CNBD1: variants seen among roughly 807,000 people sequenced by gnomAD.
CNBD1 encodes the protein cyclic nucleotide-binding domain-containing protein 1.
CNBD1 carries 71 observed loss-of-function variants against 54.4 expected under a neutral mutation model. That is an observed-to-expected ratio of 1.30 (90% confidence interval 1.08 to 1.59). The LOEUF (loss-of-function observed/expected upper bound fraction) is 1.59. Among genes scored for constraint, CNBD1 ranks in the 40% most tolerant of loss-of-function variants. The pLI is 0.00. For synonymous variants in CNBD1, 182 were observed against 170.7 expected (o/e 1.07, Z -0.51); for missense variants, 659 against 518.0 (o/e 1.27, Z -2.64).
intron 6 of CNBD1, among the ~76,000 whole-genome samples, chr8:87,267,767 T>C (rs1311274587): frequency 6.6e-6 from 1 of 152,146 alleles, no homozygotes; most frequent in African/African-American, 2.4e-5. Flanking sequence ...TTTATCCAGA[T>C]AGTGGGCCCA....
intron 5 of CNBD1, among the ~76,000 whole-genome samples, chr8:87,220,028 G>T (rs185872025): frequency 6.6e-6 from 1 of 151,864 alleles, no homozygotes. Flanking sequence ...TTAAAGTTAA[G>T]CAAAATAACA....
intron 8 of CNBD1, among the ~76,000 whole-genome samples, chr8:87,293,054 A>C (rs914966158): frequency 6.6e-6 from 1 of 152,150 alleles, no homozygotes; most frequent in Non-Finnish European, 1.5e-5. Flanking sequence ...CTAGGAACAA[A>C]GGGCTGCGCA....
intron 8 of CNBD1, among the ~76,000 whole-genome samples, chr8:87,306,826 A>T (rs1809161714): frequency 6.6e-6 from 1 of 152,150 alleles, no homozygotes; most frequent in Admixed American, 6.6e-5. Flanking sequence ...TGCCTGGGTC[A>T]TGGGTGCCCC....
intron 10 of CNBD1, among the ~76,000 whole-genome samples, chr8:87,354,222 G>A (rs1336892891): frequency 2.6e-5 from 4 of 151,958 alleles, no homozygotes; most frequent in African/African-American, 9.7e-5. Flanking sequence ...TAGGATAATG[G>A]TATAGTAATA....
chr8:87,327,100 C>T (rs1156758590), intron 8 of CNBD1, among the ~76,000 whole-genome samples: 2 of 147,294 alleles, frequency 1.4e-5, no homozygotes, highest in African/African-American at 5.0e-5. Context: ...GGGGGTGCCT[C>T]CCAGTTAGGC....
rs551186782 is a variant in CNBD1, at chr8:87,268,142, C to G, written c.772-16536C>G. On this transcript the variant is annotated intron_variant, in intron 6 of 10. Transcript: ENST00000518476. ...CAAGCAGTCCCCAGGGTCTATCAGT[C>G]CCATATTTGTGTCCATGTGTATTCA... Among the ~76,000 whole-genome samples the G allele has an allele frequency of 1.8e-4, 27 of 152,108 alleles. No individual in the cohort carries two copies. The East Asian group carries it at 4.8e-3, about 27-fold the overall frequency.
chr8:87,126,311 G>A (rs1811988643), intron 4 of CNBD1, among the ~76,000 whole-genome samples: 1 of 151,890 alleles, frequency 6.6e-6, no homozygotes, highest in African/African-American at 2.4e-5. Context: ...AAAAACTCTG[G>A]TCTCTCCACA....
At chr8:87,006,627 T>A (rs576982163) in intron 4 of CNBD1, among the ~76,000 whole-genome samples, 2 of 152,006 alleles carry the variant, frequency 1.3e-5, no homozygotes, top group Admixed American at 1.3e-4. Flanking sequence ...GCCACACACT[T>A]TAAAGACCAG....
intron 4 of CNBD1, among the ~76,000 whole-genome samples, chr8:87,047,125 G>A (rs1354717511): frequency 1.3e-5 from 2 of 152,118 alleles, no homozygotes; most frequent in Admixed American, 6.5e-5. Context: ...GATTGTAAGT[G>A]TAATGTTGCA....
At chr8:87,157,782 C>T (rs573962122) in intron 4 of CNBD1, among the ~76,000 whole-genome samples, 8 of 152,016 alleles carry the variant, frequency 5.3e-5, no homozygotes, top group Non-Finnish European at 1.2e-4. Flanking sequence ...AGCACATTTG[C>T]CTATTTTTTT....
At chr8:87,092,961 T>A (rs572805740) in intron 4 of CNBD1, among the ~76,000 whole-genome samples, 1 of 152,318 alleles carries the variant, frequency 6.6e-6, no homozygotes. Flanking sequence ...GCGTTACCAC[T>A]ATTTCTTCTC....
intron 4 of CNBD1, among the ~76,000 whole-genome samples, chr8:86,993,858 G>A (rs568359560): frequency 8.4e-4 from 128 of 152,330 alleles, no homozygotes; most frequent in Non-Finnish European, 1.5e-3. Context: ...CTTTGGTGGA[G>A]GAAGAGAGAG....
chr8:86,933,407 G>A (rs1486161579), intron 3 of CNBD1, among the ~76,000 whole-genome samples: 2 of 152,010 alleles, frequency 1.3e-5, no homozygotes, highest in Admixed American at 6.6e-5. Context: ...ATCTCATAAA[G>A]CAGTAAAATG....
chr8:87,408,017 T>C (rs887232374), intron 2 of CNBD1, among the ~76,000 whole-genome samples: 2 of 152,032 alleles, frequency 1.3e-5, no homozygotes, highest in South Asian at 2.1e-4. Context: ...GAATAGTATC[T>C]TTTTTGTCCT....
At chr8:87,288,566 CTT>C (rs751556071) in intron 8 of CNBD1, among the ~76,000 whole-genome samples, 14 of 152,018 alleles carry the variant, frequency 9.2e-5, no homozygotes, top group Non-Finnish European at 8.8e-5. Context: ...TAATCTGTCT[CTT>C]GATCTAAAAT....
At chr8:87,349,206 G>T (rs1810233045) in intron 8 of CNBD1, among the ~76,000 whole-genome samples, 1 of 152,070 alleles carries the variant, frequency 6.6e-6, no homozygotes, top group Non-Finnish European at 1.5e-5. Flanking sequence ...GGAGGAAAGG[G>T]TATCCAAACA....
chr8:86,979,230 A>G (rs1013722504), intron 4 of CNBD1, among the ~76,000 whole-genome samples: 12 of 151,862 alleles, frequency 7.9e-5, no homozygotes, highest in African/African-American at 2.9e-4. Context: ...TATGGGCAAT[A>G]TATTTTCCTT....
rs539672040 is a variant in CNBD1 at position 87,074,296 on chromosome 8, A to G, written c.432-131697A>G. Among the ~76,000 whole-genome samples, 15 of 152,264 alleles carry G rather than the reference A, an allele frequency of 9.9e-5. No individual in the cohort carries two copies. In the South Asian group the frequency reaches 2.7e-3, roughly 27 times the overall value. On this transcript the variant is annotated intron_variant, in intron 4 of 10. Coordinates refer to ENST00000518476, the MANE Select transcript of CNBD1 (RefSeq NM_173538.3). Reference sequence around the variant, plus strand: ...CTGGGAACATGGTCCCATCTCAGGCAGACTCCAGCCTGTTGCCATTGGCTG... The same window carrying G: ...CTGGGAACATGGTCCCATCTCAGGCGGACTCCAGCCTGTTGCCATTGGCTG...
intron 10 of CNBD1, among the ~76,000 whole-genome samples, chr8:87,373,139 T>A (rs1170547305): frequency 1.3e-5 from 2 of 151,756 alleles, no homozygotes; most frequent in African/African-American, 2.4e-5. Context: ...AAATTGGAAG[T>A]TGTGGGTTTA....
Sources: gnomAD v4.1 joint callset for allele counts (sites outside exome capture counted in the v4.1 genomes callset) on GRCh38, gnomAD v4.1.1 for gene constraint, MANE v1.5 for transcripts, NCBI Gene and HGNC (gene_info 2026-07-23, HGNC 2026-07-21) for gene names.